MTHFD2L: variants seen among roughly 807,000 people sequenced by gnomAD.
MTHFD2L encodes bifunctional methylenetetrahydrofolate dehydrogenase/cyclohydrolase 2, mitochondrial.
Under a neutral mutation model 34.9 loss-of-function variants are expected in MTHFD2L, and 29 were observed. That is an observed-to-expected ratio of 0.83 (90% CI 0.62 to 1.13). The LOEUF (loss-of-function observed/expected upper bound fraction) is 1.13, where lower values mean the gene tolerates loss of function less well. Ranked by LOEUF, MTHFD2L falls within the 50% of genes most tolerant of loss-of-function variation. The pLI, the probability that MTHFD2L is intolerant of heterozygous loss-of-function variation, is 0.00. For missense variants in MTHFD2L, 481 were observed against 446.5 expected, an observed-to-expected ratio of 1.08 and a Z score of -0.70; for synonymous variants, 167 against 155.7, an observed-to-expected ratio of 1.07 and a Z score of -0.54.
At chr4:74,157,960 G>C (rs1194459927), upstream of MTHFD2L, 1 of 994,098 alleles carries the variant, frequency 1.0e-6, no homozygotes, top group Non-Finnish European at 1.5e-6. Flanking sequence ...CACTCTGTCA[G>C]TTCCGTCCCC....
intron 6 of MTHFD2L, among the ~76,000 whole-genome samples, chr4:74,250,219 A>G (rs1743110233): frequency 6.6e-6 from 1 of 151,912 alleles, no homozygotes; most frequent in South Asian, 2.1e-4. Flanking sequence ...CTTGCTTCGG[A>G]TTTTCAATAA....
At chr4:74,176,372 CT>C (rs1729034499) in intron 3 of MTHFD2L, among the ~76,000 whole-genome samples, 1 of 152,006 alleles carries the variant, frequency 6.6e-6, no homozygotes, top group African/African-American at 2.4e-5. Context: ...TTTCTCTTGT[CT>C]TTGTTTGCTG....
At chr4:74,116,938 C>A (rs1721664617) in intron 2 of MTHFD2L, among the ~76,000 whole-genome samples, 1 of 152,212 alleles carries the variant, frequency 6.6e-6, no homozygotes, top group East Asian at 1.9e-4. Context: ...TTTTATTTCA[C>A]CAAGTTTATA....
intron 7 of MTHFD2L, among the ~76,000 whole-genome samples, chr4:74,291,829 A>T (rs1749003886): frequency 6.6e-6 from 1 of 152,222 alleles, no homozygotes; most frequent in Non-Finnish European, 1.5e-5. Context: ...ACAAAGAATC[A>T]AATTAAAGTG....
chr4:74,272,010 T>C (rs59175703), intron 6 of MTHFD2L, among the ~76,000 whole-genome samples: 5,121 of 152,232 alleles, frequency 0.034, 274 homozygotes, highest in African/African-American at 0.11. Context: ...GCCCCAATAA[T>C]GTTGATGATA....
rs143751557 is a variant in MTHFD2L at position 74,146,797 on chromosome 4, T to C, written c.-296-13258T>C. ...TTCCAGATTCGGTCTTTTGAGGTAA[T>C]TTTTTATATCTTATAGGCAATCTTC... On this transcript the variant is annotated intron_variant, in intron 1 of 7. Coordinates refer to the MTHFD2L transcript ENST00000433372. 2.0e-3 allele frequency among the ~76,000 whole-genome samples: 306 copies of C among 152,292 alleles called. 3 individuals carry two copies. The highest frequency in any genetic ancestry group is 7.0e-3 in the African/African-American group (289 of 41,564).
intron 6 of MTHFD2L, among the ~76,000 whole-genome samples, chr4:74,250,483 G>A (rs1184906362): frequency 1.3e-5 from 2 of 152,066 alleles, no homozygotes; most frequent in East Asian, 1.9e-4. Flanking sequence ...ATTTTTGGCT[G>A]CCTTGTTCAT....
At chr4:74,224,227 A>G (rs1738761669) in intron 5 of MTHFD2L, 1 of 152,076 alleles carries the variant, frequency 6.6e-6, no homozygotes, top group Admixed American at 6.6e-5. Context: ...TCACTGCCCC[A>G]ATTAGGAAAG....
intron 2 of MTHFD2L, among the ~76,000 whole-genome samples, chr4:74,117,292 C>A (rs1178097540): frequency 3.3e-5 from 5 of 152,224 alleles, no homozygotes; most frequent in African/African-American, 7.2e-5. Context: ...CTGTGAAAGA[C>A]TAACACTGTT....
chr4:74,140,389 G>A (rs973390926), intron 1 of MTHFD2L: 35 of 259,228 alleles, frequency 1.4e-4, no homozygotes, highest in Non-Finnish European at 2.0e-4. Flanking sequence ...CAAACCTACA[G>A]AAACTGCTAT....
At chr4:74,144,681 T>C (rs1011172251) in intron 1 of MTHFD2L, among the ~76,000 whole-genome samples, 1 of 152,200 alleles carries the variant, frequency 6.6e-6, no homozygotes, top group African/African-American at 2.4e-5. Flanking sequence ...TCCCCACTTT[T>C]AATAACTTTA....
intron 6 of MTHFD2L, among the ~76,000 whole-genome samples, chr4:74,236,443 A>G (rs148619951): frequency 9.2e-5 from 14 of 152,366 alleles, no homozygotes; most frequent in African/African-American, 2.9e-4. Flanking sequence ...AAAGTTCTAC[A>G]TGCAATGGAT....
intron 6 of MTHFD2L, among the ~76,000 whole-genome samples, chr4:74,255,585 C>G (rs1743926528): frequency 6.6e-6 from 1 of 152,070 alleles, no homozygotes; most frequent in Non-Finnish European, 1.5e-5. Flanking sequence ...TGAAATGATT[C>G]CATTGGTCAG....
chr4:74,164,470 G>A (rs1378299379), intron 1 of MTHFD2L, among the ~76,000 whole-genome samples: 2 of 152,180 alleles, frequency 1.3e-5, no homozygotes, highest in South Asian at 2.1e-4. Context: ...AAGTAAACAA[G>A]CCCATGGAAA....
intron 1 of MTHFD2L, among the ~76,000 whole-genome samples, chr4:74,172,890 G>C (rs970897559): frequency 5.3e-5 from 8 of 152,186 alleles, no homozygotes; most frequent in Non-Finnish European, 8.8e-5. Context: ...AAACCTGCTA[G>C]AGAGAGCAGT....
At chr4:74,164,112 G>A (rs888670104) in intron 1 of MTHFD2L, among the ~76,000 whole-genome samples, 22 of 152,256 alleles carry the variant, frequency 1.4e-4, no homozygotes, top group African/African-American at 4.8e-4. Flanking sequence ...TCCTGACTTC[G>A]TGATCCGCCC....
At chr4:74,191,363 C>G (rs479466) in intron 3 of MTHFD2L, among the ~76,000 whole-genome samples, 3 of 150,790 alleles carry the variant, frequency 2.0e-5, no homozygotes, top group African/African-American at 2.4e-5. Flanking sequence ...TTTACCTGGT[C>G]GTTTTTTTTT....
At chr4:74,154,594 A>G (rs1411895305), upstream of MTHFD2L, among the ~76,000 whole-genome samples, 4 of 152,158 alleles carry the variant, frequency 2.6e-5, no homozygotes, top group African/African-American at 9.7e-5. Flanking sequence ...GAACCCTTTC[A>G]GTTGGCTCCT....
chr4:74,152,309 T>G (rs1426266653), intron 1 of MTHFD2L, among the ~76,000 whole-genome samples: 4 of 152,146 alleles, frequency 2.6e-5, no homozygotes, highest in Non-Finnish European at 5.9e-5. Flanking sequence ...GGAAGCTTTA[T>G]AGTTGTATTT....
Sources: gnomAD v4.1 joint callset for allele counts (sites outside exome capture counted in the v4.1 genomes callset) on GRCh38, gnomAD v4.1.1 for gene constraint, MANE v1.5 for transcripts, NCBI Gene and HGNC (gene_info 2026-07-23, HGNC 2026-07-21) for gene names.